The following KMT2A variants were observed in gnomAD, a reference collection of about 807,000 sequenced individuals.
KMT2A encodes the protein lysine methyltransferase 2A.
A neutral mutation model predicts 345.3 loss-of-function variants in KMT2A; 16 were observed. The observed-to-expected ratio is 0.05, with a 90% confidence interval of 0.03 to 0.07. The LOEUF is 0.07. Among genes scored for constraint, KMT2A ranks in the 10% least tolerant of loss-of-function variants. The pLI, the probability that KMT2A is intolerant of heterozygous loss-of-function variation, is 1.00. For synonymous variants in KMT2A, 1,599 were observed against 1,778.6 expected (o/e 0.90, Z 2.54); for missense variants, 3,272 against 4,841.6 (o/e 0.68, Z 9.62).
intron 8 of KMT2A, among the ~76,000 whole-genome samples, chr11:118,483,919 C>T (rs192604302): frequency 3.2e-3 from 482 of 152,236 alleles, no homozygotes; most frequent in South Asian, 8.3e-3. Flanking sequence ...GTAGTCCCAG[C>T]TACTCTTGAG....
chr11:118,496,364 T>C lies in KMT2A; in HGVS notation c.5661T>C (p.Ala1887=), dbSNP rs1555043958. The change falls in exon 20 of 36, where the codon GCT becomes GCC. Residue 1887 remains alanine (A), a synonymous_variant. Coordinates refer to ENST00000534358, the MANE Select transcript of KMT2A (RefSeq NM_001197104.2). This position sits in a 1 kb window ranked among gnomAD's most constrained non-coding sequence, Gnocchi z 4.7. The part of the protein sequence containing the change: ...ALCLTYGDDS[A]NDAGRLLYIG... ...GTTTGACTTATGGTGATGACAGTGC[T>C]AATGTAAGTACTTTGCAACACAGGG... 2 of 1,607,802 alleles carry C rather than the reference T, an allele frequency of 1.2e-6. No individual in the cohort carries two copies.
chr11:118,512,125 A>C, intron 31 of KMT2A, 100 bp downstream of exon 31: 18 of 1,071,768 alleles, frequency 1.7e-5, no homozygotes, highest in Non-Finnish European at 2.2e-5. Flanking sequence ...TCAGTTAAAA[A>C]TTTTTTTCAC....
At chr11:118,492,469 G>A (rs1289832525) in intron 15 of KMT2A, among the ~76,000 whole-genome samples, 1 of 152,224 alleles carries the variant, frequency 6.6e-6, no homozygotes, top group Non-Finnish European at 1.5e-5. Flanking sequence ...CACGAGGTCA[G>A]GAGATCAAGA....
chr11:118,445,711 TAC>T (rs1456584092), intron 1 of KMT2A, among the ~76,000 whole-genome samples: 1 of 152,162 alleles, frequency 6.6e-6, no homozygotes, highest in Non-Finnish European at 1.5e-5. Context: ...GGAGGAAAAG[TAC>T]AGTTTTGGGT....
In KMT2A at chr11:118,481,888, A is replaced by G. The variant is rs782647276; in HGVS notation, c.3808A>G (p.Lys1270Glu). The change falls in exon 7 of 36, where the codon AAG becomes GAG. Residue 1270 changes from lysine (K) to glutamate (E), a missense_variant. Physicochemically the swap from Lys to Glu is moderately conservative, Grantham distance 56 (BLOSUM62 1). Transcript: ENST00000534358. ...TCCTCCACGAAAGCCCGTCGAGGAA[A>G]AGAGTGAAGAAGGGAATGTCTCGGC... ...EPPPRKPVEE[K>E]SEEGNVSAPG... The G allele has an allele frequency of 5.0e-6, 8 of 1,614,234 alleles. No homozygotes were observed. Among genetic ancestry groups the G allele is most frequent in the South Asian group, 1.1e-5 (1 of 91,074 alleles).
At chr11:118,463,443 T>A (rs1441384679) in intron 1 of KMT2A, among the ~76,000 whole-genome samples, 2 of 152,210 alleles carry the variant, frequency 1.3e-5, no homozygotes, top group Non-Finnish European at 2.9e-5. Flanking sequence ...ATGCATAGAT[T>A]AGCAGGTTGT....
rs1305507376 is a variant in KMT2A at position 118,503,420 on chromosome 11, G to A, written c.7528G>A (p.Gly2510Arg). The change falls in exon 27 of 36, where the codon GGA (glycine) becomes AGA (arginine). Residue 2510 changes from glycine to arginine, a missense_variant. This residue lies in a region of KMT2A where 445 missense variants were observed against 500.9 expected (regional missense o/e 0.89). Coordinates refer to ENST00000534358, the MANE Select transcript of KMT2A (RefSeq NM_001197104.2). The surrounding 1 kb of genome is among the most constrained non-coding windows in gnomAD (Gnocchi z 5.3). ...VPKAPPMQVE[G>R]SAKELQAPRK... is the part of the protein sequence containing the mutation. ...CAAAGCTCCACCCATGCAAGTAGAA[G>A]GATCTGCCAAGGAATTACAGGCACC... 1 of 1,614,028 alleles carries A rather than the reference G, an allele frequency of 6.2e-7. No homozygotes were observed.
In KMT2A at chr11:118,505,103, C is replaced by A. The variant is rs1555047579; in HGVS notation, c.9211C>A (p.Pro3071Thr). ...TTCCAATGCAGCTGTCCAGACCACT[C>A]CACCCCACCTGAAGCCAGCCACTGA... is the stretch of plus-strand genomic sequence containing the variant. ...QISNAAVQTT[P>T]PHLKPATEKL... The change falls in exon 27 of 36, where the codon CCA becomes ACA. Residue 3071 changes from proline to threonine, a missense_variant. Transcript: ENST00000534358. The surrounding 1 kb of genome is among the most constrained non-coding windows in gnomAD (Gnocchi z 4.6). 2 of 1,614,120 alleles carry A rather than the reference C, an allele frequency of 1.2e-6. No individual in the cohort carries two copies. The highest frequency in any genetic ancestry group is 1.7e-6 in the Non-Finnish European group (2 of 1,179,986).
In KMT2A at chr11:118,498,195, A is replaced by G; in HGVS notation, c.5802+122A>G. 1.7e-6 allele frequency: 2 copies of G among 1,193,218 alleles called. No individual in the cohort carries two copies. Among genetic ancestry groups the G allele is most frequent in the Non-Finnish European group, 2.4e-6 (2 of 834,698 alleles). 73.9% of individuals were successfully genotyped at this position (1,193,218 alleles called of 1,614,324 possible). A position where few individuals can be genotyped will look rare whatever the true frequency, so the allele number is the denominator to read the frequency against. On this transcript the variant is annotated intron_variant, in intron 21 of 35. Transcript: ENST00000534358. The surrounding 1 kb of genome is among the most constrained non-coding windows in gnomAD (Gnocchi z 4.4). Reference sequence around the variant, plus strand: ...GTGCCATCAGGGTAGTTAGCCAACAAGTATTGATATACATAATTCAACAGA... The same window carrying G: ...GTGCCATCAGGGTAGTTAGCCAACAGGTATTGATATACATAATTCAACAGA...
At chr11:118,512,286 T>C in intron 31 of KMT2A, 2 of 493,778 alleles carry the variant, frequency 4.1e-6, no homozygotes, top group South Asian at 6.1e-5. Flanking sequence ...CCCCTATTCA[T>C]TAGCAGTCAT....
At position 118,491,856 on chromosome 11, in the gene KMT2A, G is replaced by A; in HGVS notation, c.4932G>A (p.Gln1644=). The change falls in exon 15 of 36, where the codon CAG becomes CAA. Residue 1644 remains glutamine, a synonymous_variant. Transcript: ENST00000534358. The surrounding 1 kb of genome is among the most constrained non-coding windows in gnomAD (Gnocchi z 4.2). ...GACTGGCCCTTGAAAAAGAGCTGCA[G>A]ATTTCTCTGAAGCAAGTTCTGACAG... ...EWRLALEKEL[Q]ISLKQVLTAL... 1 of 1,614,160 alleles carries A rather than the reference G, an allele frequency of 6.2e-7. No homozygotes were observed. The highest frequency in any genetic ancestry group is 2.2e-5 in the East Asian group (1 of 44,890).
Position 118,510,573 on chromosome 11 carries a change from C to T in KMT2A, c.11071+455C>T, listed in dbSNP as rs1403398004. 6.6e-6 allele frequency among the ~76,000 whole-genome samples: 1 copy of T among 152,194 alleles called. No individual in the cohort carries two copies. Among genetic ancestry groups the T allele is most frequent in the Non-Finnish European group, 1.5e-5 (1 of 68,028 alleles). The stretch of plus-strand genomic sequence containing the variant: ...ACCTTCTGAGGTAGCTAAGCCCTCC[C>T]TCTCCCTCCTTTTGAATCTTACATG... On this transcript the variant is annotated intron_variant, in intron 30 of 35. Transcript: ENST00000534358. The surrounding 1 kb of genome is among the most constrained non-coding windows in gnomAD (Gnocchi z 4.1).
chr11:118,496,383 C>T lies in KMT2A; in HGVS notation c.5664+16C>T. The T allele has an allele frequency of 6.4e-7, 1 of 1,553,210 alleles. No homozygotes were observed. On this transcript the variant is annotated intron_variant, in intron 20 of 35. Transcript: ENST00000534358. This position sits in a 1 kb window ranked among gnomAD's most constrained non-coding sequence, Gnocchi z 4.7. ...CAGTGCTAATGTAAGTACTTTGCAACACAGGGCCCTAGTTAATACATACTC... is the reference window on the plus strand; with the variant it reads ...CAGTGCTAATGTAAGTACTTTGCAATACAGGGCCCTAGTTAATACATACTC...
rs566231128 is a variant in KMT2A at position 118,484,508 on chromosome 11, C to T, written c.4218+194C>T. The stretch of plus-strand genomic sequence containing the variant: ...TAGGTCACTGTTTGTGAACTGACTG[C>T]AGAACATACATAATGAAACATTCCT... On this transcript the variant is annotated intron_variant, in intron 9 of 35. Transcript: ENST00000534358. The surrounding 1 kb of genome is among the most constrained non-coding windows in gnomAD (Gnocchi z 4.1). 2.0e-5 allele frequency among the ~76,000 whole-genome samples: 3 copies of T among 152,186 alleles called. No homozygotes were observed. The East Asian group carries it at 5.8e-4, about 29-fold the overall frequency.
chr11:118,491,758 A>G lies in KMT2A; in HGVS notation c.4834A>G (p.Ile1612Val). The G allele has an allele frequency of 6.2e-7, 1 of 1,606,024 alleles. No individual in the cohort carries two copies. Among genetic ancestry groups the G allele is most frequent in the African/African-American group, 1.3e-5 (1 of 74,692 alleles). ...TGTTTTCTTAGATGAGATGTATGAG[A>G]TTCTATCTAATCTGCCAGAAAGTGT... ...LSGTEDEMYE[I>V]LSNLPESVAY... The change falls in exon 15 of 36, where the codon ATT becomes GTT. Residue 1612 changes from isoleucine (I) to valine (V), a missense_variant. This residue lies in a region of KMT2A where 120 missense variants were observed against 280.4 expected (regional missense o/e 0.43). Coordinates refer to ENST00000534358, the MANE Select transcript of KMT2A (RefSeq NM_001197104.2). The surrounding 1 kb of genome is among the most constrained non-coding windows in gnomAD (Gnocchi z 4.2).
Position 118,503,818 on chromosome 11 carries a change from C to G in KMT2A, c.7926C>G (p.Ser2642=), listed in dbSNP as rs782242466. The change falls in exon 27 of 36, where the codon TCC becomes TCG. Residue 2642 remains serine, a synonymous_variant. Transcript: ENST00000534358. This position sits in a 1 kb window ranked among gnomAD's most constrained non-coding sequence, Gnocchi z 5.3. ...FGLTPLYGVR[S]YGEEDIPFYS... ...TTACCCCACTCTATGGAGTAAGATC[C>G]TATGGTGAAGAAGACATTCCATTCT... 6.2e-7 allele frequency: 1 copy of G among 1,614,106 alleles called. No homozygotes were observed. Among genetic ancestry groups the G allele is most frequent in the Non-Finnish European group, 8.5e-7 (1 of 1,180,022 alleles).
At chr11:118,492,080 C>T (rs1368408626) in intron 15 of KMT2A, 152 bp downstream of exon 15, 2 of 615,314 alleles carry the variant, frequency 3.3e-6, no homozygotes, top group African/African-American at 3.7e-5. Context: ...AAGAATAGGA[C>T]CTTCTTTAGC....
rs556652833 is a variant in KMT2A, at chr11:118,501,971, G to A, written c.6505+114G>A. The stretch of plus-strand genomic sequence containing the variant: ...TTTACTGATTGAAAATGTAGATTCC[G>A]GGTGGGTGAGGTGGCTCATGCCTGT... On this transcript the variant is annotated intron_variant, in intron 26 of 35. Transcript: ENST00000534358. The A allele has an allele frequency of 1.7e-4, 159 of 919,786 alleles. 1 individual carries two copies. In the African/African-American group the frequency reaches 2.5e-3, roughly 14 times the overall value. The allele number at this position is 919,786 out of a possible 1,614,324, so 57.0% of individuals were successfully genotyped here.
At chr11:118,515,364 C>T (rs140088873) in intron 31 of KMT2A, among the ~76,000 whole-genome samples, 80 of 152,282 alleles carry the variant, frequency 5.3e-4, no homozygotes, top group Non-Finnish European at 8.5e-4. Flanking sequence ...CCTGTGCCTA[C>T]GGAAATCCCA....
Sources: gnomAD v4.1 joint callset for allele counts (sites outside exome capture counted in the v4.1 genomes callset) on GRCh38, gnomAD v4.1.1 for gene constraint, gnomAD v4.1.1 regional missense constraint, Gnocchi (gnomAD v3.1) non-coding constraint, MANE v1.5 for transcripts, NCBI Gene and HGNC (gene_info 2026-07-23, HGNC 2026-07-21) for gene names.